The following RNF13 variants were observed in gnomAD, a reference collection of about 807,000 sequenced individuals.
RNF13 encodes the protein ring finger protein 13.
Under a neutral mutation model 37.7 loss-of-function variants are expected in RNF13, and 19 were observed. The observed-to-expected ratio is 0.50, with a 90% CI of 0.35 to 0.74. RNF13 has a LOEUF of 0.74. RNF13 is among the 30% of genes least tolerant of loss of function. RNF13 has a pLI of 0.01. For synonymous variants in RNF13, 144 were observed against 157.8 expected (o/e 0.91, Z 0.65); for missense variants, 375 against 453.0 (o/e 0.83, Z 1.56).
At chr3:149,871,636 A>G (rs901212682) in intron 3 of RNF13, among the ~76,000 whole-genome samples, 1 of 151,842 alleles carries the variant, frequency 6.6e-6, no homozygotes, top group Non-Finnish European at 1.5e-5. Flanking sequence ...TGCAGAATAA[A>G]TTTCTAGAAA....
intron 3 of RNF13, among the ~76,000 whole-genome samples, chr3:149,858,125 G>A (rs1382995974): frequency 1.3e-5 from 2 of 152,208 alleles, no homozygotes; most frequent in African/African-American, 4.8e-5. Flanking sequence ...TCTCCATCAT[G>A]TTTTGATGCA....
intron 5 of RNF13, among the ~76,000 whole-genome samples, chr3:149,901,182 T>C (rs1372631235): frequency 6.6e-6 from 1 of 152,240 alleles, no homozygotes; most frequent in East Asian, 1.9e-4. Context: ...GATTTTGTTT[T>C]GTTTTCTTTT....
intron 3 of RNF13, among the ~76,000 whole-genome samples, chr3:149,858,890 C>T (rs1412366378): frequency 2.0e-5 from 3 of 152,150 alleles, no homozygotes; most frequent in Non-Finnish European, 4.4e-5. Flanking sequence ...ATTCTTATTA[C>T]AGGAAATGAT....
At chr3:149,828,820 A>C (rs1215657933) in intron 1 of RNF13, among the ~76,000 whole-genome samples, 1 of 152,196 alleles carries the variant, frequency 6.6e-6, no homozygotes, top group African/African-American at 2.4e-5. Context: ...TATGGATTCA[A>C]TAGGGAACTT....
At chr3:149,928,160 C>G (rs1718831143) in intron 8 of RNF13, among the ~76,000 whole-genome samples, 1 of 151,794 alleles carries the variant, frequency 6.6e-6, no homozygotes, top group African/African-American at 2.4e-5. Flanking sequence ...TATCAAAATT[C>G]CAAGAACTTT....
At chr3:149,916,967 A>G (rs182677278) in intron 7 of RNF13, among the ~76,000 whole-genome samples, 30 of 152,270 alleles carry the variant, frequency 2.0e-4, no homozygotes, top group East Asian at 1.2e-3. Flanking sequence ...TTTGATAAGG[A>G]AAATTCTTAC....
At chr3:149,831,830 T>C (rs1559892938) in intron 1 of RNF13, among the ~76,000 whole-genome samples, 1 of 152,186 alleles carries the variant, frequency 6.6e-6, no homozygotes, top group Admixed American at 6.5e-5. Flanking sequence ...CCTGGAAATC[T>C]TGATGCTTTT....
chr3:149,828,449 CATG>C, intron 1 of RNF13, among the ~76,000 whole-genome samples: 1 of 152,264 alleles, frequency 6.6e-6, no homozygotes, highest in East Asian at 1.9e-4. Context: ...GTACACTGTG[CATG>C]ATATTTGATA....
At chr3:149,865,419 G>T (rs1724715048) in intron 3 of RNF13, among the ~76,000 whole-genome samples, 2 of 150,638 alleles carry the variant, frequency 1.3e-5, no homozygotes, top group Admixed American at 1.3e-4. Context: ...GAATATTTAA[G>T]ATATAACCTC....
chr3:149,843,032 G>T (rs551709419), intron 1 of RNF13, among the ~76,000 whole-genome samples: 20 of 152,242 alleles, frequency 1.3e-4, no homozygotes, highest in Non-Finnish European at 1.3e-4. Flanking sequence ...GTATCCATGG[G>T]TTCTACATCC....
intron 6 of RNF13, among the ~76,000 whole-genome samples, chr3:149,908,020 C>A (rs1041889153): frequency 1.3e-5 from 2 of 152,188 alleles, no homozygotes; most frequent in African/African-American, 4.8e-5. Flanking sequence ...TACATATTAT[C>A]AGTCTTTTTA....
chr3:149,959,600 T>A (rs1257620079), intron 8 of RNF13, among the ~76,000 whole-genome samples: 1 of 152,180 alleles, frequency 6.6e-6, no homozygotes, highest in African/African-American at 2.4e-5. Context: ...ACCACAGAAT[T>A]TGGTAAATGC....
chr3:149,960,858 A>G lies in RNF13; in HGVS notation c.900A>G (p.Gln300=), dbSNP rs149934250. ...GDSDSDTDSS[Q]EENEVTEHTP... ...CAGACTCTGACACAGACAGTAGTCA[A>G]GAAGAAAATGAAGTGACAGAACATA... The change falls in exon 10 of 10, where the codon CAA becomes CAG. Residue 300 remains glutamine (Q), a synonymous_variant. Transcript: ENST00000392894. The G allele has an allele frequency of 4.6e-5, 75 of 1,614,088 alleles. No homozygotes were observed. Among genetic ancestry groups the G allele is most frequent in the Non-Finnish European group, 6.4e-5 (75 of 1,180,036 alleles).
intron 2 of RNF13, among the ~76,000 whole-genome samples, chr3:149,848,897 G>A (rs1487715086): frequency 6.6e-6 from 1 of 152,134 alleles, no homozygotes; most frequent in Non-Finnish European, 1.5e-5. Flanking sequence ...TCTAGGCCAT[G>A]AGTACTTGGA....
chr3:149,893,631 A>G (rs117750349), intron 4 of RNF13, among the ~76,000 whole-genome samples: 2 of 152,340 alleles, frequency 1.3e-5, no homozygotes, highest in East Asian at 3.9e-4. Flanking sequence ...TGTAACAAAT[A>G]ATCAAAGTTT....
At chr3:149,937,035 G>A (rs958902656) in intron 8 of RNF13, among the ~76,000 whole-genome samples, 2 of 152,150 alleles carry the variant, frequency 1.3e-5, no homozygotes, top group African/African-American at 4.8e-5. Context: ...GAATTAGCTA[G>A]GAGTTTGTGC....
At chr3:149,870,129 A>G (rs1711845070) in intron 3 of RNF13, among the ~76,000 whole-genome samples, 1 of 151,756 alleles carries the variant, frequency 6.6e-6, no homozygotes, top group Non-Finnish European at 1.5e-5. Flanking sequence ...TACCTCATGG[A>G]TATTTCTCCC....
rs60070543 is a variant in RNF13, at chr3:149,927,801, A to G, written c.700+6574A>G. 5.2e-3 allele frequency among the ~76,000 whole-genome samples: 798 copies of G among 152,008 alleles called. 6 individuals carry two copies. The highest frequency in any genetic ancestry group is 0.018 in the African/African-American group (726 of 41,456). On this transcript the variant is annotated intron_variant, in intron 8 of 9. Transcript: ENST00000392894. ...CTGTTCAAGTACTTTTCTTATTTTC[A>G]ATTGGGTGGTTTATCATTTTGTTCT... is the stretch of plus-strand genomic sequence containing the variant.
At chr3:149,903,666 T>C (rs914268156) in intron 6 of RNF13, among the ~76,000 whole-genome samples, 5 of 152,162 alleles carry the variant, frequency 3.3e-5, no homozygotes, top group Admixed American at 6.5e-5. Flanking sequence ...ACCTCTTGGC[T>C]ACAGATATAT....
Sources: gnomAD v4.1 joint callset for allele counts (sites outside exome capture counted in the v4.1 genomes callset) on GRCh38, gnomAD v4.1.1 for gene constraint, MANE v1.5 for transcripts, NCBI Gene and HGNC (gene_info 2026-07-23, HGNC 2026-07-21) for gene names.